CNTN6: variants seen among roughly 807,000 people sequenced by gnomAD.
CNTN6 encodes contactin-6.
A neutral mutation model predicts 122.8 loss-of-function variants in CNTN6; 137 were observed. The ratio of observed to expected loss-of-function variants is 1.12; its 90% CI spans 0.97 to 1.29. The LOEUF (loss-of-function observed/expected upper bound fraction) is 1.29, where lower values mean the gene tolerates loss of function less well. Among genes scored for constraint, CNTN6 ranks in the 50% most tolerant of loss-of-function variants. The pLI, the probability that CNTN6 is intolerant of heterozygous loss-of-function variation, is 0.00. For synonymous variants in CNTN6, 570 were observed against 426.0 expected, an observed-to-expected ratio of 1.34 and a Z score of -4.16; for missense variants, 1,634 against 1,223.4, an observed-to-expected ratio of 1.34 and a Z score of -5.01.
At chr3:1,261,740 A>G (rs988754695) in intron 4 of CNTN6, among the ~76,000 whole-genome samples, 2 of 152,164 alleles carry the variant, frequency 1.3e-5, no homozygotes, top group Admixed American at 6.6e-5. Flanking sequence ...TAAAAGAACT[A>G]TAACACTTTT....
chr3:1,373,448 G>A lies in CNTN6; in HGVS notation c.1787-156G>A, dbSNP rs553659965. Among the ~76,000 whole-genome samples, 94 of 152,092 alleles carry A rather than the reference G, an allele frequency of 6.2e-4. 1 individual carries two copies. Among genetic ancestry groups the A allele is most frequent in the Non-Finnish European group, 1.0e-3 (69 of 67,974 alleles). ...CATTAATGTCATTTACCATGTAAAG[G>A]GAATTAATAGAACTTTATCGCTAAT... On this transcript the variant is annotated intron_variant, in intron 14 of 22. Coordinates refer to ENST00000446702, the MANE Select transcript of CNTN6 (RefSeq NM_001289080.2).
chr3:1,118,999 T>C (rs903840686), intron 1 of CNTN6, among the ~76,000 whole-genome samples: 6 of 152,108 alleles, frequency 3.9e-5, no homozygotes, highest in African/African-American at 1.4e-4. Flanking sequence ...GGACCATACA[T>C]AAAGGGCTAA....
chr3:1,277,346 C>CTTTTTGTTTTTTTTTTTTT (rs1692563132), intron 4 of CNTN6, among the ~76,000 whole-genome samples: 1 of 80,172 alleles, frequency 1.2e-5, no homozygotes, highest in Non-Finnish European at 2.4e-5. Context: ...AGTAGGTTTT[C>CTTTTTGTTTTTTTTTTTTT]TTTTTTTTTT....
At chr3:1,125,484 A>C (rs542059630) in intron 1 of CNTN6, among the ~76,000 whole-genome samples, 1 of 152,038 alleles carries the variant, frequency 6.6e-6, no homozygotes, top group African/African-American at 2.4e-5. Context: ...TGAAGAAAGA[A>C]GCAAAATGTA....
intron 5 of CNTN6, among the ~76,000 whole-genome samples, chr3:1,290,879 C>G (rs1371387299): frequency 6.6e-6 from 1 of 152,132 alleles, no homozygotes; most frequent in African/African-American, 2.4e-5. Context: ...TTTTAGCTGG[C>G]TTCTTTACTG....
intron 4 of CNTN6, among the ~76,000 whole-genome samples, chr3:1,268,341 C>G (rs1005550089): frequency 1.3e-5 from 2 of 152,128 alleles, no homozygotes; most frequent in African/African-American, 4.8e-5. Context: ...GGCGCGGTGG[C>G]TCACGCTTGT....
intron 2 of CNTN6, among the ~76,000 whole-genome samples, chr3:1,161,836 T>C (rs1489896273): frequency 6.6e-6 from 1 of 151,940 alleles, no homozygotes; most frequent in East Asian, 1.9e-4. Flanking sequence ...TATATGTGTG[T>C]AGATATATAT....
intron 4 of CNTN6, 30 bp from the exon 5 acceptor site, chr3:1,278,383 T>A: frequency 1.4e-6 from 2 of 1,411,400 alleles, no homozygotes; most frequent in African/African-American, 2.9e-5. Context: ...AAGTAACTAA[T>A]TATAAATCTG....
At chr3:1,203,307 T>C (rs760737645) in intron 2 of CNTN6, among the ~76,000 whole-genome samples, 1 of 152,190 alleles carries the variant, frequency 6.6e-6, no homozygotes, top group Non-Finnish European at 1.5e-5. Flanking sequence ...TGAGCAGATT[T>C]GCCCTTGGCT....
At chr3:1,392,062 G>C (rs569259537) in intron 20 of CNTN6, among the ~76,000 whole-genome samples, 29 of 152,182 alleles carry the variant, frequency 1.9e-4, no homozygotes, top group African/African-American at 5.3e-4. Context: ...CTACTTTAAA[G>C]TTCATATGGA....
In CNTN6 at chr3:1,122,416, C is replaced by T. The variant is rs6442215; in HGVS notation, c.-82-25511C>T. Among the ~76,000 whole-genome samples, 6 of 144,438 alleles carry T rather than the reference C, an allele frequency of 4.2e-5. 1 individual carries two copies. Among genetic ancestry groups the T allele is most frequent in the South Asian group, 4.4e-4 (2 of 4,588 alleles). The allele number at this position is 144,438 out of a possible 152,430, so 94.8% of individuals were successfully genotyped here. ...GAGGAAAGAAGGGGTTCTCAACCAG[C>T]GGTGATTTAAAAACACAGTTTATTG... On this transcript the variant is annotated intron_variant, in intron 1 of 22. Coordinates refer to ENST00000446702, the MANE Select transcript of CNTN6 (RefSeq NM_001289080.2).
intron 20 of CNTN6, among the ~76,000 whole-genome samples, chr3:1,400,794 C>G (rs543603326): frequency 2.3e-4 from 35 of 152,020 alleles, no homozygotes; most frequent in Non-Finnish European, 4.0e-4. Context: ...GTGAGAATGA[C>G]AAAGAGGTAC....
In CNTN6 at chr3:1,097,573, G is replaced by A. The variant is rs556624245; in HGVS notation, c.-83+4453G>A. On this transcript the variant is annotated intron_variant, in intron 1 of 22. Coordinates refer to ENST00000446702, the MANE Select transcript of CNTN6 (RefSeq NM_001289080.2). Reference sequence around the variant, plus strand: ...AGGCAAGCTCTTGAGCTGAAGTGCCGCCCATTGTAGATTTCCTTCCCTATA... The same window carrying A: ...AGGCAAGCTCTTGAGCTGAAGTGCCACCCATTGTAGATTTCCTTCCCTATA... Among the ~76,000 whole-genome samples the A allele has an allele frequency of 7.9e-5, 12 of 152,256 alleles. No homozygotes were observed. In the East Asian group the frequency reaches 2.3e-3, roughly 29 times the overall value.
intron 2 of CNTN6, among the ~76,000 whole-genome samples, chr3:1,170,583 A>G (rs2093342729): frequency 6.6e-6 from 1 of 152,246 alleles, no homozygotes; most frequent in African/African-American, 2.4e-5. Flanking sequence ...AAACATTTGT[A>G]CAAACCTTGA....
intron 12 of CNTN6, among the ~76,000 whole-genome samples, chr3:1,359,059 C>G (rs1707063865): frequency 6.6e-6 from 1 of 151,820 alleles, no homozygotes; most frequent in South Asian, 2.1e-4. Flanking sequence ...GATCCTGTCC[C>G]CCAAAACAAA....
At chr3:1,267,605 G>GTCC (rs1281824113) in intron 4 of CNTN6, among the ~76,000 whole-genome samples, 35 of 152,260 alleles carry the variant, frequency 2.3e-4, no homozygotes, top group African/African-American at 8.2e-4. Flanking sequence ...AGAAAAATTG[G>GTCC]AATGCTGATA....
intron 16 of CNTN6, among the ~76,000 whole-genome samples, chr3:1,376,006 C>T (rs1395134537): frequency 1.3e-5 from 2 of 151,920 alleles, no homozygotes; most frequent in South Asian, 2.1e-4. Flanking sequence ...CCTACCAATC[C>T]CCAGACATAT....
intron 16 of CNTN6, among the ~76,000 whole-genome samples, chr3:1,375,961 A>C (rs1709797570): frequency 1.3e-5 from 2 of 152,036 alleles, no homozygotes; most frequent in South Asian, 4.1e-4. Context: ...AAAAATTTGA[A>C]ATGAGGAATT....
rs765012322 is a variant in CNTN6 at position 1,352,457 on chromosome 3, A to T, written c.1492+6A>T. ...TGGCAGCCTCATTGTAAAAGGTATC[A>T]TATTATCTTCATTTGTGCTTGATGA... On this transcript the variant is annotated splice_donor_region_variant and intron_variant, in intron 12 of 22. Coordinates refer to ENST00000446702, the MANE Select transcript of CNTN6 (RefSeq NM_001289080.2). 1 of 1,609,468 alleles carries T rather than the reference A, an allele frequency of 6.2e-7. No homozygotes were observed. The highest frequency in any genetic ancestry group is 1.7e-5 in the Admixed American group (1 of 59,658).
Sources: gnomAD v4.1 joint callset for allele counts (sites outside exome capture counted in the v4.1 genomes callset) on GRCh38, gnomAD v4.1.1 for gene constraint, MANE v1.5 for transcripts, NCBI Gene and HGNC (gene_info 2026-07-23, HGNC 2026-07-21) for gene names.